FAM178B: variants seen among roughly 807,000 people sequenced by gnomAD.
FAM178B encodes the protein protein FAM178B.
In FAM178B, 82 loss-of-function variants were observed where a neutral mutation model predicts 91.7. That is an observed-to-expected ratio of 0.89 (90% CI 0.75 to 1.07). The LOEUF is 1.07. FAM178B is among the 50% of genes least tolerant of loss of function. The pLI is 0.00. For synonymous variants in FAM178B, 368 were observed against 359.4 expected (o/e 1.02, Z -0.27); for missense variants, 769 against 846.7 (o/e 0.91, Z 1.14).
chr2:96,933,921 A>T (rs373502362), intron 8 of FAM178B, among the ~76,000 whole-genome samples: 123 of 152,346 alleles, frequency 8.1e-4, no homozygotes, highest in African/African-American at 2.8e-3. Context: ...CGGGAGGCTT[A>T]AAATCCAATT....
intron 13 of FAM178B, among the ~76,000 whole-genome samples, chr2:96,899,743 T>C (rs1391100886): frequency 6.6e-6 from 1 of 152,014 alleles, no homozygotes; most frequent in Non-Finnish European, 1.5e-5. Context: ...CTAATTATTT[T>C]ACTTTTTGTA....
intron 9 of FAM178B, among the ~76,000 whole-genome samples, chr2:96,926,177 C>T (rs1166610974): frequency 1.3e-5 from 2 of 152,172 alleles, no homozygotes; most frequent in Non-Finnish European, 2.9e-5. Context: ...GTAGTACGCA[C>T]CTGTAATCCC....
chr2:96,934,298 C>A (rs1383162926), intron 8 of FAM178B, among the ~76,000 whole-genome samples: 1 of 152,120 alleles, frequency 6.6e-6, no homozygotes, highest in Admixed American at 6.5e-5. Flanking sequence ...AGACCTGAGG[C>A]CAGGGAGCAC....
At chr2:96,882,903 G>A (rs1431066481) in intron 14 of FAM178B, among the ~76,000 whole-genome samples, 1 of 152,258 alleles carries the variant, frequency 6.6e-6, no homozygotes, top group African/African-American at 2.4e-5. Context: ...CATGGGGAAA[G>A]GCAGAGTCTG....
rs570228498 is a variant in FAM178B, at chr2:96,947,597, A to G, written c.1078+221T>C. 4.6e-5 allele frequency among the ~76,000 whole-genome samples: 7 copies of G among 152,346 alleles called. 1 individual carries two copies. Among genetic ancestry groups the G allele is most frequent in the African/African-American group, 1.7e-4 (7 of 41,578 alleles). On this transcript the variant is annotated intron_variant, in intron 8 of 16. Coordinates refer to ENST00000490605, the MANE Select transcript of FAM178B (RefSeq NM_001122646.3). ...GTGAGGTCAGCCTGGCCGTGGCCAC[A>G]GGGGCTGAGATCTGAGGCCAGTTCA...
chr2:96,950,241 G>C (rs574521568), intron 7 of FAM178B: 10 of 915,516 alleles, frequency 1.1e-5, no homozygotes, highest in Non-Finnish European at 1.3e-5. Flanking sequence ...ACTGTGCAAG[G>C]AGCAGGGGCT....
At chr2:96,965,156 C>A (rs931254131) in intron 5 of FAM178B, among the ~76,000 whole-genome samples, 2 of 151,968 alleles carry the variant, frequency 1.3e-5, no homozygotes, top group African/African-American at 4.8e-5. Context: ...CGCGTCACCA[C>A]GCCCAGCTAA....
At chr2:96,884,007 G>A (rs751711034) in intron 14 of FAM178B, among the ~76,000 whole-genome samples, 28 of 152,348 alleles carry the variant, frequency 1.8e-4, no homozygotes, top group Admixed American at 3.9e-4. Context: ...TAGAGCTAAC[G>A]GAGTCTGGGA....
chr2:96,898,048 C>T, intron 13 of FAM178B: 2 of 985,662 alleles, frequency 2.0e-6, no homozygotes, highest in Non-Finnish European at 2.4e-6. Flanking sequence ...TCAGGGACTC[C>T]TGCCCAGCAG....
intron 6 of FAM178B, among the ~76,000 whole-genome samples, chr2:96,959,348 T>TA (rs2082048398): frequency 6.6e-6 from 1 of 152,178 alleles, no homozygotes; most frequent in African/African-American, 2.4e-5. Context: ...TTCTCTATAC[T>TA]TTGATATGTG....
chr2:96,906,434 G>A (rs1255648753), intron 12 of FAM178B, among the ~76,000 whole-genome samples: 2 of 152,036 alleles, frequency 1.3e-5, no homozygotes, highest in Admixed American at 1.3e-4. Flanking sequence ...ACCCTGAGAG[G>A]GACCAACCAT....
Position 96,986,123 on chromosome 2 carries a change from G to C in FAM178B, c.73+118C>G, listed in dbSNP as rs555455920. Reference sequence around the variant, plus strand: ...AACCTGAAAAGCGCCAGAGTAGCCCGGCGGCCGCACCGGGGCTGACCTGCA... The same window carrying C: ...AACCTGAAAAGCGCCAGAGTAGCCCCGCGGCCGCACCGGGGCTGACCTGCA... On this transcript the variant is annotated intron_variant, in intron 1 of 16. Coordinates refer to ENST00000490605, the MANE Select transcript of FAM178B (RefSeq NM_001122646.3). 920 of 1,479,746 alleles carry C rather than the reference G, an allele frequency of 6.2e-4. 3 individuals are homozygous for C. The African/African-American group carries it at 8.6e-3, about 14-fold the overall frequency. The allele number at this position is 1,479,746 out of a possible 1,614,324, so 91.7% of individuals were successfully genotyped here.
chr2:96,920,830 C>T (rs1384996305), intron 12 of FAM178B, among the ~76,000 whole-genome samples: 1 of 151,438 alleles, frequency 6.6e-6, no homozygotes, highest in East Asian at 1.9e-4. Flanking sequence ...GAGTGGGAGT[C>T]GGGTGATCAG....
intron 8 of FAM178B, among the ~76,000 whole-genome samples, chr2:96,941,377 AGAG>A: frequency 6.6e-6 from 1 of 152,244 alleles, no homozygotes; most frequent in South Asian, 2.1e-4. Flanking sequence ...ATGCTTTCTG[AGAG>A]GAGGAGTGGG....
intron 14 of FAM178B, among the ~76,000 whole-genome samples, chr2:96,885,317 C>G (rs1265969420): frequency 6.6e-6 from 1 of 152,278 alleles, no homozygotes; most frequent in Admixed American, 6.5e-5. Flanking sequence ...TGCCCACACC[C>G]TCCACGCCCT....
chr2:96,972,452 G>A lies in FAM178B; in HGVS notation c.142+86C>T, dbSNP rs2082235416. The A allele has an allele frequency of 3.3e-6, 5 of 1,500,182 alleles. No homozygotes were observed. In the Admixed American group the frequency reaches 6.1e-5, roughly 18 times the overall value. 92.9% of individuals were successfully genotyped at this position (1,500,182 alleles called of 1,614,324 possible). On this transcript the variant is annotated intron_variant, in intron 2 of 16. Coordinates refer to ENST00000490605, the MANE Select transcript of FAM178B (RefSeq NM_001122646.3). Reference sequence around the variant, plus strand: ...TGGGGTTGCTGTGGGAAGGATGCAAGGGAAATCCTTCAGCCATGGGCTCTC... The same window carrying A: ...TGGGGTTGCTGTGGGAAGGATGCAAAGGAAATCCTTCAGCCATGGGCTCTC...
intron 12 of FAM178B, among the ~76,000 whole-genome samples, chr2:96,910,963 T>G (rs1172857994): frequency 2.0e-5 from 3 of 152,130 alleles, no homozygotes; most frequent in Non-Finnish European, 4.4e-5. Flanking sequence ...ACCCGGGGTT[T>G]CACCATGTTG....
At chr2:96,938,364 G>A (rs946808674) in intron 8 of FAM178B, among the ~76,000 whole-genome samples, 9 of 152,188 alleles carry the variant, frequency 5.9e-5, no homozygotes, top group African/African-American at 1.9e-4. Context: ...GAATGTAGTG[G>A]TGGGGACAGG....
At chr2:96,894,666 C>A (rs1479814170) in intron 13 of FAM178B, among the ~76,000 whole-genome samples, 2 of 88,446 alleles carry the variant, frequency 2.3e-5, no homozygotes, top group Non-Finnish European at 4.6e-5. Context: ...CCCACACCCC[C>A]CTACAGACCC....
Sources: gnomAD v4.1 joint callset for allele counts (sites outside exome capture counted in the v4.1 genomes callset) on GRCh38, gnomAD v4.1.1 for gene constraint, MANE v1.5 for transcripts, NCBI Gene and HGNC (gene_info 2026-07-23, HGNC 2026-07-21) for gene names.